The following NEGR1 variants were observed in gnomAD, a reference collection of about 807,000 sequenced individuals.
NEGR1 encodes the protein neuronal growth regulator 1, also known as IgLON family member 4.
Under a neutral mutation model 40.9 loss-of-function variants are expected in NEGR1, and 10 were observed. The observed-to-expected ratio is 0.24, with a 90% CI of 0.15 to 0.42. The LOEUF is 0.42. Among genes scored for constraint, NEGR1 ranks in the 10% least tolerant of loss-of-function variants. The probability of loss-of-function intolerance (pLI) is 1.00; values close to 1 mark genes in which losing one functional copy is unlikely to be tolerated. For synonymous variants in NEGR1, 185 were observed against 166.8 expected (o/e 1.11, Z -0.84); for missense variants, 352 against 438.9 (o/e 0.80, Z 1.77).
intron 1 of NEGR1, among the ~76,000 whole-genome samples, chr1:72,004,155 T>G (rs181434079): frequency 3.8e-3 from 581 of 152,156 alleles, no homozygotes; most frequent in Middle Eastern, 6.8e-3. Flanking sequence ...CAATTATATA[T>G]TTATTTTCAT....
chr1:71,989,036 C>T (rs1646428157), intron 1 of NEGR1, among the ~76,000 whole-genome samples: 1 of 150,648 alleles, frequency 6.6e-6, no homozygotes, highest in African/African-American at 2.4e-5. Context: ...TCACCTCAAG[C>T]ATACAAAATT....
At chr1:71,509,452 G>T (rs1647058552) in intron 6 of NEGR1, among the ~76,000 whole-genome samples, 1 of 152,230 alleles carries the variant, frequency 6.6e-6, no homozygotes. Context: ...CCACTGGTGA[G>T]TCAGGCAATG....
intron 1 of NEGR1, among the ~76,000 whole-genome samples, chr1:72,030,226 G>T (rs1284032373): frequency 1.3e-5 from 2 of 150,070 alleles, no homozygotes; most frequent in Non-Finnish European, 3.0e-5. Context: ...ATGGAGTCTT[G>T]CTCTGTCACC....
chr1:71,631,893 A>G (rs1232672904), intron 4 of NEGR1, among the ~76,000 whole-genome samples: 1 of 151,744 alleles, frequency 6.6e-6, no homozygotes, highest in Non-Finnish European at 1.5e-5. Context: ...TATAGCAATT[A>G]AGGGGTTTGC....
chr1:72,012,710 C>T (rs1042646564), intron 1 of NEGR1, among the ~76,000 whole-genome samples: 3 of 151,570 alleles, frequency 2.0e-5, no homozygotes, highest in African/African-American at 7.3e-5. Flanking sequence ...ACTGTGCGTC[C>T]CCAATCTGCA....
chr1:71,472,296 T>C (rs1197721412), intron 6 of NEGR1, among the ~76,000 whole-genome samples: 1 of 152,136 alleles, frequency 6.6e-6, no homozygotes, highest in Non-Finnish European at 1.5e-5. Flanking sequence ...TATCATTTTT[T>C]CCTAATTTGG....
At chr1:71,741,781 C>T (rs892346568) in intron 3 of NEGR1, among the ~76,000 whole-genome samples, 1 of 152,090 alleles carries the variant, frequency 6.6e-6, no homozygotes, top group Non-Finnish European at 1.5e-5. Flanking sequence ...TCTGGGGAGG[C>T]CTCAGGAAAC....
intron 1 of NEGR1, among the ~76,000 whole-genome samples, chr1:72,244,506 T>C (rs1654843291): frequency 6.6e-6 from 1 of 151,956 alleles, no homozygotes; most frequent in Non-Finnish European, 1.5e-5. Context: ...AACACACACA[T>C]ATATACATAT....
At chr1:72,032,430 A>C (rs1646866295) in intron 1 of NEGR1, among the ~76,000 whole-genome samples, 1 of 152,162 alleles carries the variant, frequency 6.6e-6, no homozygotes, top group Non-Finnish European at 1.5e-5. Context: ...CTAATCTTGC[A>C]ATGGTATACA....
chr1:71,520,967 G>A (rs1557553472), intron 6 of NEGR1, among the ~76,000 whole-genome samples: 1 of 152,010 alleles, frequency 6.6e-6, no homozygotes, highest in African/African-American at 2.4e-5. Flanking sequence ...GAAAATTTCT[G>A]TGTTTGCATG....
intron 1 of NEGR1, among the ~76,000 whole-genome samples, chr1:72,106,178 C>T (rs912265822): frequency 2.0e-5 from 3 of 151,986 alleles, no homozygotes; most frequent in Non-Finnish European, 2.9e-5. Flanking sequence ...AACACAGAGT[C>T]AAAAAGACTC....
chr1:71,996,966 C>T (rs887713527), intron 1 of NEGR1, among the ~76,000 whole-genome samples: 41 of 152,008 alleles, frequency 2.7e-4, no homozygotes, highest in African/African-American at 9.2e-4. Context: ...CTCCCTCCAC[C>T]TCCCTACTAT....
chr1:71,721,105 T>C (rs1654495990), intron 3 of NEGR1, among the ~76,000 whole-genome samples: 1 of 152,220 alleles, frequency 6.6e-6, no homozygotes, highest in African/African-American at 2.4e-5. Flanking sequence ...GCCAAATATT[T>C]AAGAAAGTAG....
At chr1:71,451,161 A>G (rs576910476) in intron 6 of NEGR1, among the ~76,000 whole-genome samples, 86 of 152,322 alleles carry the variant, frequency 5.6e-4, no homozygotes, top group African/African-American at 2.0e-3. Flanking sequence ...TAAGTAGGGC[A>G]GACAGGCTTG....
chr1:71,854,469 T>TA (rs1553169893), intron 2 of NEGR1, among the ~76,000 whole-genome samples: 7 of 152,038 alleles, frequency 4.6e-5, no homozygotes, highest in South Asian at 2.1e-4. Context: ...AGATATTTTT[T>TA]AAAAAAACAG....
chr1:71,665,951 T>C (rs573382320), intron 4 of NEGR1, among the ~76,000 whole-genome samples: 38 of 152,290 alleles, frequency 2.5e-4, no homozygotes, highest in African/African-American at 3.6e-4. Context: ...ATTCATTTCT[T>C]AAATGAGTAA....
Position 71,396,574 on chromosome 1 carries a change from A to C in NEGR1, c.*10872T>G, listed in dbSNP as rs960562822. Reference sequence around the variant, plus strand: ...TTTGATATTGTTTGGCCATGTCCCCACACAAATCTCATTTTGAATTCCCAC... The same window carrying C: ...TTTGATATTGTTTGGCCATGTCCCCCCACAAATCTCATTTTGAATTCCCAC... On this transcript the variant is annotated 3_prime_UTR_variant, in exon 7 of 7. Coordinates refer to ENST00000357731, the MANE Select transcript of NEGR1 (RefSeq NM_173808.3). The C allele has an allele frequency of 2.0e-5, 3 of 152,212 alleles. No individual in the cohort carries two copies. The highest frequency in any genetic ancestry group is 4.8e-5 in the African/African-American group (2 of 41,454). The allele number at this position is 152,212 out of a possible 1,614,324, so 9.4% of individuals were successfully genotyped here.
chr1:71,515,658 T>C (rs1647116987), intron 6 of NEGR1, among the ~76,000 whole-genome samples: 1 of 118,524 alleles, frequency 8.4e-6, no homozygotes, highest in Non-Finnish European at 1.7e-5. Flanking sequence ...AGGAAGAAAC[T>C]GCATGAACTA....
intron 1 of NEGR1, among the ~76,000 whole-genome samples, chr1:72,149,397 A>G (rs758020811): frequency 3.3e-5 from 5 of 152,190 alleles, no homozygotes; most frequent in Non-Finnish European, 5.9e-5. Context: ...GTTCATAAAA[A>G]GAATCTGCAT....
Sources: gnomAD v4.1 joint callset for allele counts (sites outside exome capture counted in the v4.1 genomes callset) on GRCh38, gnomAD v4.1.1 for gene constraint, MANE v1.5 for transcripts, NCBI Gene and HGNC (gene_info 2026-07-23, HGNC 2026-07-21) for gene names.